The following GREB1 variants were observed in gnomAD, a reference collection of about 807,000 sequenced individuals.
GREB1 encodes growth regulating estrogen receptor binding 1.
In GREB1, 106 loss-of-function variants were observed where a neutral mutation model predicts 200.7. The observed-to-expected ratio is 0.53, with a 90% CI of 0.45 to 0.62. GREB1 has a LOEUF of 0.62. Ranked by LOEUF, GREB1 falls within the 20% of genes least tolerant of loss-of-function variation. The probability of loss-of-function intolerance (pLI) is 0.00; values close to 1 mark genes in which losing one functional copy is unlikely to be tolerated. For missense variants in GREB1, 2,243 were observed against 2,556.8 expected (o/e 0.88, Z 2.65); for synonymous variants, 1,132 against 1,092.4 (o/e 1.04, Z -0.72).
In GREB1 at chr2:11,621,064, G is replaced by C. The variant is rs116019797; in HGVS notation, c.4147+57G>C. 7 of 980,848 alleles carry C rather than the reference G, an allele frequency of 7.1e-6. No homozygotes were observed. The South Asian group carries it at 9.0e-5, about 13-fold the overall frequency. The allele number at this position is 980,848 out of a possible 1,614,324, so 60.8% of individuals were successfully genotyped here. On this transcript the variant is annotated intron_variant, in intron 23 of 32. Coordinates refer to ENST00000381486, the MANE Select transcript of GREB1 (RefSeq NM_014668.4). The stretch of plus-strand genomic sequence containing the variant: ...GGAGCCACCTTCATCACTTTCTCAA[G>C]TGACTTTAATTTTATATTTCACTTT...
chr2:11,571,481 A>G (rs766173193), intron 4 of GREB1, among the ~76,000 whole-genome samples: 1 of 152,178 alleles, frequency 6.6e-6, no homozygotes, highest in Non-Finnish European at 1.5e-5. Flanking sequence ...TGCCATCTAT[A>G]AAGGGGATAA....
At chr2:11,591,385 C>G (rs372031973) in intron 10 of GREB1, 35 of 734,672 alleles carry the variant, frequency 4.8e-5, no homozygotes, top group Non-Finnish European at 8.6e-5. Context: ...GCCTGACGCA[C>G]TTTCTTCCAG....
At chr2:11,593,190 G>T in intron 11 of GREB1, 64 bp downstream of exon 11, 1 of 1,153,218 alleles carries the variant, frequency 8.7e-7, no homozygotes. Context: ...CCCCTCCTTT[G>T]GTGGTTCTCT....
At position 11,634,287 on chromosome 2, in the gene GREB1, C is replaced by T. The variant is rs199908531; in HGVS notation, c.5148C>T (p.His1716=). Residue 1716 remains histidine (H), a synonymous_variant, in exon 29 of 33, where the codon CAC becomes CAT. Transcript: ENST00000381486. ...SEVQEPFSRC[H]VHNFIILNVD... ...TGCAAGAGCCCTTCTCCCGCTGCCA[C>T]GTGCACAACTTCATCATCCTGAACG... 10 of 1,614,222 alleles carry T rather than the reference C, an allele frequency of 6.2e-6. No homozygotes were observed. Among genetic ancestry groups the T allele is most frequent in the South Asian group, 5.5e-5 (5 of 91,088 alleles).
At chr2:11,527,011 C>T (rs934047219) in intron 1 of GREB1, among the ~76,000 whole-genome samples, 1 of 152,114 alleles carries the variant, frequency 6.6e-6, no homozygotes, top group African/African-American at 2.4e-5. Context: ...CCTCATCCTC[C>T]CTACACAGAC....
intron 1 of GREB1, among the ~76,000 whole-genome samples, chr2:11,513,757 C>T (rs750090370): frequency 6.6e-6 from 1 of 152,120 alleles, no homozygotes; most frequent in Non-Finnish European, 1.5e-5. Flanking sequence ...ATGAAGTGCT[C>T]TTCCAGGCCT....
chr2:11,583,323 G>A (rs113064105), intron 7 of GREB1, among the ~76,000 whole-genome samples: 2 of 152,320 alleles, frequency 1.3e-5, no homozygotes, highest in African/African-American at 4.8e-5. Context: ...CGCAATTGGG[G>A]ACAGATGTTT....
At chr2:11,528,114 A>T (rs2148484998) in intron 1 of GREB1, among the ~76,000 whole-genome samples, 1 of 152,324 alleles carries the variant, frequency 6.6e-6, no homozygotes, top group Non-Finnish European at 1.5e-5. Flanking sequence ...ATTATGTCAG[A>T]CCTTCCTGGT....
chr2:11,501,177 C>T (rs1221052124), intron 1 of GREB1, among the ~76,000 whole-genome samples: 1 of 152,060 alleles, frequency 6.6e-6, no homozygotes, highest in Non-Finnish European at 1.5e-5. Context: ...GTTTTTTTTC[C>T]TGGAGGGACA....
chr2:11,495,795 C>CTTTTTTTT lies in GREB1; in HGVS notation c.-159+13414_-159+13415insTTTTTTTT, dbSNP rs1393933225. On this transcript the variant is annotated intron_variant, in intron 1 of 2. Transcript: ENST00000628795. ...GAATCTTGGTTAGGATAAGTCCCCCCGTTTTTTTTTTTTTTTTTGAGTGAA... is the reference window on the plus strand; with the variant it reads ...GAATCTTGGTTAGGATAAGTCCCCCCTTTTTTTTGTTTTTTTTTTTTTTTTTGAGTGAA... 2.1e-3 allele frequency among the ~76,000 whole-genome samples: 297 copies of CTTTTTTTT among 140,448 alleles called. 1 individual carries two copies. The highest frequency in any genetic ancestry group is 0.011 in the Middle Eastern group (3 of 262). 92.1% of individuals were successfully genotyped at this position (140,448 alleles called of 152,430 possible).
intron 1 of GREB1, among the ~76,000 whole-genome samples, chr2:11,521,012 C>T (rs1373006453): frequency 3.9e-5 from 6 of 152,164 alleles, no homozygotes; most frequent in South Asian, 2.1e-4. Context: ...TGCCCTCTGC[C>T]GTGTGGGCTC....
intron 1 of GREB1, among the ~76,000 whole-genome samples, chr2:11,490,240 C>T (rs1018973718): frequency 6.6e-6 from 1 of 152,152 alleles, no homozygotes; most frequent in Non-Finnish European, 1.5e-5. Flanking sequence ...CTGACCACCA[C>T]GACTCTGCCT....
chr2:11,602,604 C>T (rs1022150008), intron 17 of GREB1, 62 bp downstream of exon 17: 20 of 1,454,036 alleles, frequency 1.4e-5, no homozygotes, highest in East Asian at 6.8e-5. Context: ...AGTTGAGGTG[C>T]GTTTAGCCAG....
At chr2:11,531,851 T>C (rs961148800), upstream of GREB1, among the ~76,000 whole-genome samples, 46 of 152,330 alleles carry the variant, frequency 3.0e-4, no homozygotes, top group African/African-American at 1.1e-3. Flanking sequence ...GATTACCGCA[T>C]GAACCACCGC....
chr2:11,520,502 G>T, intron 1 of GREB1, among the ~76,000 whole-genome samples: 1 of 152,128 alleles, frequency 6.6e-6, no homozygotes, highest in East Asian at 1.9e-4. Context: ...GCCATTCCTA[G>T]CTTCTAGAGG....
intron 7 of GREB1, among the ~76,000 whole-genome samples, chr2:11,581,641 A>G (rs1444534258): frequency 1.3e-5 from 2 of 152,164 alleles, no homozygotes; most frequent in Non-Finnish European, 1.5e-5. Flanking sequence ...TCTCCCCACC[A>G]TGCTCATCTG....
intron 1 of GREB1, among the ~76,000 whole-genome samples, chr2:11,494,149 T>C (rs1672828982): frequency 6.6e-6 from 1 of 152,202 alleles, no homozygotes; most frequent in South Asian, 2.1e-4. Context: ...GGGAACCCGT[T>C]TTTGTCTTAC....
chr2:11,543,260 T>C (rs562169282), intron 1 of GREB1, among the ~76,000 whole-genome samples: 125 of 152,336 alleles, frequency 8.2e-4, no homozygotes, highest in African/African-American at 2.9e-3. Flanking sequence ...ATTAATTCCA[T>C]TGGATAAACT....
At position 11,597,684 on chromosome 2, in the gene GREB1, G is replaced by A. The variant is rs968530719; in HGVS notation, c.1955-97G>A. On this transcript the variant is annotated intron_variant, in intron 13 of 32. Coordinates refer to ENST00000381486, the MANE Select transcript of GREB1 (RefSeq NM_014668.4). This position sits in a 1 kb window ranked among gnomAD's most constrained non-coding sequence, Gnocchi z 4.1. ...CCCTCATCGCTTTGTGAATGGGGCCGTCTCCCCTGGACAGGTCTCACTGAT... is the reference window on the plus strand; with the variant it reads ...CCCTCATCGCTTTGTGAATGGGGCCATCTCCCCTGGACAGGTCTCACTGAT... 1.1e-4 allele frequency: 116 copies of A among 1,030,380 alleles called. 1 individual carries two copies. Among genetic ancestry groups the A allele is most frequent in the Non-Finnish European group, 1.5e-4 (100 of 659,002 alleles). The allele number at this position is 1,030,380 out of a possible 1,614,324, so 63.8% of individuals were successfully genotyped here.
Sources: gnomAD v4.1 joint callset for allele counts (sites outside exome capture counted in the v4.1 genomes callset) on GRCh38, gnomAD v4.1.1 for gene constraint, Gnocchi (gnomAD v3.1) non-coding constraint, MANE v1.5 for transcripts, NCBI Gene and HGNC (gene_info 2026-07-23, HGNC 2026-07-21) for gene names.